Variants in PKD1L1 observed in about 807,000 individuals in gnomAD.
PKD1L1 encodes polycystin 1 like 1, transient receptor potential channel interacting.
In PKD1L1, 236 loss-of-function variants were observed where a neutral mutation model predicts 323.4. The observed-to-expected ratio is 0.73, with a 90% CI of 0.66 to 0.81. The LOEUF is 0.81. PKD1L1 is among the 40% of genes least tolerant of loss of function. The pLI is 0.00. For synonymous variants in PKD1L1, 1,344 were observed against 1,335.0 expected, an observed-to-expected ratio of 1.01 and a Z score of -0.15; for missense variants, 3,320 against 3,508.0, an observed-to-expected ratio of 0.95 and a Z score of 1.35.
At chr7:47,872,998 C>A (rs1442997694) in intron 24 of PKD1L1, among the ~76,000 whole-genome samples, 1 of 152,136 alleles carries the variant, frequency 6.6e-6, no homozygotes, top group African/African-American at 2.4e-5. Flanking sequence ...GAATGAAGTA[C>A]TAATATATTT....
intron 54 of PKD1L1, among the ~76,000 whole-genome samples, chr7:47,798,385 G>A (rs11760871): frequency 0.71 from 107,861 of 152,198 alleles, 38,495 homozygotes; most frequent in Non-Finnish European, 0.75. Flanking sequence ...CAGGAACTCT[G>A]TTCCATACCT....
At chr7:47,785,835 G>A (rs1425137954) in intron 56 of PKD1L1, among the ~76,000 whole-genome samples, 1 of 150,862 alleles carries the variant, frequency 6.6e-6, no homozygotes, top group African/African-American at 2.4e-5. Context: ...TCTGCCTCCC[G>A]GGTTCAAGCA....
intron 45 of PKD1L1, among the ~76,000 whole-genome samples, chr7:47,824,737 C>T (rs1785209269): frequency 6.6e-6 from 1 of 152,190 alleles, no homozygotes; most frequent in African/African-American, 2.4e-5. Flanking sequence ...CTCTACCTGG[C>T]TTCCCTCCTG....
intron 13 of PKD1L1, among the ~76,000 whole-genome samples, chr7:47,902,054 GA>G (rs869208068): frequency 8.4e-6 from 1 of 119,726 alleles, no homozygotes; most frequent in African/African-American, 2.9e-5. Context: ...GAAAAGAAAA[GA>G]AAAAAAAGAA....
At position 47,855,215 on chromosome 7, in the gene PKD1L1, G is replaced by T; in HGVS notation, c.4641C>A (p.Pro1547=). The T allele has an allele frequency of 6.2e-7, 1 of 1,614,144 alleles. No individual in the cohort carries two copies. Among genetic ancestry groups the T allele is most frequent in the Non-Finnish European group, 8.5e-7 (1 of 1,180,024 alleles). Residue 1547 remains proline, a synonymous_variant, in exon 29 of 57, where the codon CCC becomes CCA. Coordinates refer to ENST00000289672, the MANE Select transcript of PKD1L1 (RefSeq NM_138295.5). ...LNLYTCSSRR[P]INRQWLRKPV... The stretch of plus-strand genomic sequence containing the variant: ...GTTTCCTTAGCCATTGCCTGTTGAT[G>T]GGTCTTCTGCTGGAGCAGGTATAGA...
intron 8 of PKD1L1, among the ~76,000 whole-genome samples, chr7:47,913,953 G>A (rs1008640430): frequency 5.3e-5 from 8 of 152,104 alleles, no homozygotes; most frequent in African/African-American, 1.7e-4. Context: ...GTAATTGCTG[G>A]AAATCAAAAG....
Position 47,862,867 on chromosome 7 carries a change from C to T in PKD1L1, c.4149+2349G>A, listed in dbSNP as rs184986309. Among the ~76,000 whole-genome samples the T allele has an allele frequency of 1.4e-4, 22 of 152,286 alleles. No individual in the cohort carries two copies. In the East Asian group the frequency reaches 3.5e-3, roughly 24 times the overall value. On this transcript the variant is annotated intron_variant, in intron 26 of 56. Coordinates refer to ENST00000289672, the MANE Select transcript of PKD1L1 (RefSeq NM_138295.5). ...TAAGATGTTTAGCTTCTATTCCACACGCAAGGAGAAGCCACGGGGAGTGCT... is the reference window on the plus strand; with the variant it reads ...TAAGATGTTTAGCTTCTATTCCACATGCAAGGAGAAGCCACGGGGAGTGCT...
At chr7:47,834,472 T>A in intron 39 of PKD1L1, 87 bp from the exon 40 acceptor site, 1 of 1,058,744 alleles carries the variant, frequency 9.4e-7, no homozygotes, top group South Asian at 1.3e-5. Context: ...GCGGGGACAC[T>A]ACTTTCTTCA....
intron 13 of PKD1L1, among the ~76,000 whole-genome samples, chr7:47,898,422 T>C (rs765314593): frequency 6.6e-6 from 1 of 152,112 alleles, no homozygotes; most frequent in Non-Finnish European, 1.5e-5. Context: ...AATAAGTAAA[T>C]ATTTATATAC....
intron 52 of PKD1L1, among the ~76,000 whole-genome samples, chr7:47,804,495 A>AGT (rs1784735501): frequency 7.3e-6 from 1 of 137,170 alleles, no homozygotes. Flanking sequence ...TTTTTGAGAG[A>AGT]GAGTCTCAAT....
chr7:47,862,690 T>G (rs1435720252), intron 26 of PKD1L1, among the ~76,000 whole-genome samples: 1 of 152,170 alleles, frequency 6.6e-6, no homozygotes, highest in Admixed American at 6.5e-5. Context: ...GCATTTGTGC[T>G]GAGTCAATGA....
rs557599614 is a variant in PKD1L1, at chr7:47,928,904, G to A, written c.1060+300C>T. Among the ~76,000 whole-genome samples, 18 of 152,242 alleles carry A rather than the reference G, an allele frequency of 1.2e-4. No individual in the cohort carries two copies. In the South Asian group the frequency reaches 2.3e-3, roughly 19 times the overall value. ...ATTCTGCTTCTGTGTAGGATGAAGC[G>A]CCAGTACATTACCTTTGGGACCTCA... On this transcript the variant is annotated intron_variant, in intron 7 of 56. Transcript: ENST00000289672.
intron 31 of PKD1L1, 49 bp from the exon 32 acceptor site, chr7:47,847,120 A>T (rs1433942460): frequency 6.9e-6 from 10 of 1,443,080 alleles, no homozygotes; most frequent in Non-Finnish European, 9.2e-6. Context: ...GTTTGCAGAA[A>T]GGCATTCTCC....
intron 1 of PKD1L1, among the ~76,000 whole-genome samples, chr7:47,947,828 G>T (rs1055597588): frequency 6.6e-6 from 1 of 152,162 alleles, no homozygotes; most frequent in Non-Finnish European, 1.5e-5. Flanking sequence ...TTAGTCGGGC[G>T]TGGTGGTGGG....
At position 47,808,654 on chromosome 7, in the gene PKD1L1, T is replaced by A. The variant is rs1784832489; in HGVS notation, c.7687-267A>T. Among the ~76,000 whole-genome samples the A allele has an allele frequency of 2.0e-5, 3 of 152,292 alleles. 1 individual carries two copies. The South Asian group carries it at 6.2e-4, about 32-fold the overall frequency. On this transcript the variant is annotated intron_variant, in intron 51 of 56. Coordinates refer to ENST00000289672, the MANE Select transcript of PKD1L1 (RefSeq NM_138295.5). ...CTGTGCAGCGTGTTCCTGTACTGAA[T>A]ACTGAGGCAATCATACACAATGGTA...
chr7:47,932,009 C>G lies in PKD1L1; in HGVS notation c.446G>C (p.Gly149Ala), dbSNP rs1787780861. Residue 149 changes from glycine to alanine, a missense_variant, in exon 5 of 57, where the codon GGT becomes GCT. By Grantham distance (60) the Gly-to-Ala change is moderately conservative (BLOSUM62 0). Transcript: ENST00000289672. ...CCGCCTGTGATGGAACCTGGGGCCA[C>G]CACTGCTCCAGGCCCTTGCGATTAT... ...FIIIARAWSS[G>A]GPRFHHRRLC... is the part of the protein sequence containing the mutation. 4 of 1,614,070 alleles carry G rather than the reference C, an allele frequency of 2.5e-6. No individual in the cohort carries two copies. Among genetic ancestry groups the G allele is most frequent in the Non-Finnish European group, 3.4e-6 (4 of 1,179,952 alleles).
At chr7:47,803,648 G>A (rs1784714589) in intron 52 of PKD1L1, among the ~76,000 whole-genome samples, 1 of 152,172 alleles carries the variant, frequency 6.6e-6, no homozygotes, top group African/African-American at 2.4e-5. Context: ...TCCACCCCAC[G>A]TCTGTTCTCC....
chr7:47,866,055 C>T (rs987820122), intron 25 of PKD1L1, among the ~76,000 whole-genome samples: 3 of 152,212 alleles, frequency 2.0e-5, no homozygotes, highest in African/African-American at 7.2e-5. Context: ...TGAGCAAGTA[C>T]AGTCACATTT....
At chr7:47,957,860 A>ATATATATATATATATAC in the PKD1L1 span, among the ~76,000 whole-genome samples, 1 of 124,182 alleles carries the variant, frequency 8.1e-6, no homozygotes, top group East Asian at 2.5e-4. Flanking sequence ...CAATTAAAAA[A>ATATATATATATATATAC]AAATATATAT....
Sources: gnomAD v4.1 joint callset for allele counts (sites outside exome capture counted in the v4.1 genomes callset) on GRCh38, gnomAD v4.1.1 for gene constraint, MANE v1.5 for transcripts, NCBI Gene and HGNC (gene_info 2026-07-23, HGNC 2026-07-21) for gene names.